Variants in ZNF507 observed in about 807,000 individuals in gnomAD.
ZNF507 encodes the protein zinc finger protein 507.
Under a neutral mutation model 80.0 loss-of-function variants are expected in ZNF507, and 29 were observed. The ratio of observed to expected loss-of-function variants is 0.36; its 90% CI spans 0.27 to 0.49. The LOEUF (loss-of-function observed/expected upper bound fraction) is 0.49. Ranked by LOEUF, ZNF507 falls within the 20% of genes least tolerant of loss-of-function variation. The pLI is 0.98. For missense variants in ZNF507, 1,081 were observed against 1,152.2 expected (o/e 0.94, Z 0.90); for synonymous variants, 462 against 422.5 (o/e 1.09, Z -1.15).
intron 5 of ZNF507, among the ~76,000 whole-genome samples, chr19:32,374,900 G>T (rs1967526303): frequency 6.6e-6 from 1 of 152,060 alleles, no homozygotes; most frequent in Non-Finnish European, 1.5e-5. Context: ...AAATGCTTCT[G>T]GTGTTTCCTA....
intron 4 of ZNF507, chr19:32,357,702 C>T (rs972988318): frequency 2.6e-5 from 4 of 152,162 alleles, no homozygotes. Flanking sequence ...GATGGCTGAG[C>T]TAAAACAGTT....
At chr19:32,361,682 C>T (rs1172164016) in intron 5 of ZNF507, among the ~76,000 whole-genome samples, 8 of 21,006 alleles carry the variant, frequency 3.8e-4, no homozygotes, top group Non-Finnish European at 4.9e-4. Flanking sequence ...TCCTTCCTTT[C>T]CTTCCTTCCT....
At chr19:32,349,696 A>AT (rs1364831100) in intron 2 of ZNF507, among the ~76,000 whole-genome samples, 2 of 152,210 alleles carry the variant, frequency 1.3e-5, no homozygotes, top group African/African-American at 4.8e-5. Context: ...AATTTCTGTG[A>AT]TTTTAAGGAA....
At chr19:32,368,305 C>T (rs572625172) in intron 5 of ZNF507, among the ~76,000 whole-genome samples, 1 of 152,276 alleles carries the variant, frequency 6.6e-6, no homozygotes, top group African/African-American at 2.4e-5. Flanking sequence ...CTGGAAGTGA[C>T]CCAGACAGCT....
In ZNF507 at chr19:32,354,138, A is replaced by T; in HGVS notation, c.1308A>T (p.Glu436Asp). Residue 436 changes from glutamate (E) to aspartate (D), a missense_variant, in exon 3 of 7, where the codon GAA (glutamate) becomes GAT (aspartate). Physicochemically the swap from Glu to Asp is conservative, Grantham distance 45. Transcript: ENST00000355898. ...LSLTEAQIGR[E>D]GMDDVYRADK... ...TGACAGAAGCTCAGATTGGGCGCGA[A>T]GGAATGGATGATGTTTATCGTGCTG... is the stretch of plus-strand genomic sequence containing the variant. 4 of 1,613,386 alleles carry T rather than the reference A, an allele frequency of 2.5e-6. No homozygotes were observed. In the East Asian group the frequency reaches 8.9e-5, roughly 36 times the overall value.
intron 5 of ZNF507, among the ~76,000 whole-genome samples, chr19:32,374,108 T>C (rs1337978127): frequency 1.3e-5 from 2 of 151,888 alleles, no homozygotes; most frequent in African/African-American, 4.8e-5. Context: ...GGGGGACTGA[T>C]AATGTTTAAC....
At chr19:32,369,267 T>G (rs1967438428) in intron 5 of ZNF507, among the ~76,000 whole-genome samples, 1 of 152,244 alleles carries the variant, frequency 6.6e-6, no homozygotes, top group Non-Finnish European at 1.5e-5. Flanking sequence ...TGGCCATATT[T>G]ACAGGCCACT....
At chr19:32,375,823 T>C (rs1399565540) in intron 5 of ZNF507, among the ~76,000 whole-genome samples, 1 of 152,228 alleles carries the variant, frequency 6.6e-6, no homozygotes, top group Non-Finnish European at 1.5e-5. Context: ...AATGAAAATA[T>C]GCCTTTTTGC....
At chr19:32,369,665 A>G (rs1195853094) in intron 5 of ZNF507, among the ~76,000 whole-genome samples, 2 of 152,000 alleles carry the variant, frequency 1.3e-5, no homozygotes, top group Non-Finnish European at 2.9e-5. Context: ...GTTATTGTAT[A>G]TATTGGAGGT....
At chr19:32,362,726 C>T (rs1300824431) in intron 5 of ZNF507, among the ~76,000 whole-genome samples, 1 of 152,168 alleles carries the variant, frequency 6.6e-6, no homozygotes, top group African/African-American at 2.4e-5. Context: ...GTCCTAGGGT[C>T]TTCCTACCAA....
chr19:32,370,509 T>C (rs1041486668), intron 5 of ZNF507, among the ~76,000 whole-genome samples: 3 of 152,270 alleles, frequency 2.0e-5, no homozygotes, highest in Admixed American at 6.5e-5. Context: ...CGTTTTCATA[T>C]CACTGTTGCA....
chr19:32,365,180 G>C (rs1484987267), intron 5 of ZNF507, among the ~76,000 whole-genome samples: 1 of 152,104 alleles, frequency 6.6e-6, no homozygotes, highest in Admixed American at 6.5e-5. Flanking sequence ...CCCACTTTTT[G>C]ATGGGATTGA....
At chr19:32,360,414 G>C in intron 4 of ZNF507, 90 bp from the exon 5 acceptor site, 1 of 573,316 alleles carries the variant, frequency 1.7e-6, no homozygotes, top group Middle Eastern at 2.7e-4. Flanking sequence ...ACAACTGTGT[G>C]GTATAAATTT....
At chr19:32,361,534 G>A (rs1402823364) in intron 5 of ZNF507, among the ~76,000 whole-genome samples, 1 of 152,176 alleles carries the variant, frequency 6.6e-6, no homozygotes, top group Non-Finnish European at 1.5e-5. Context: ...CAAACCAGCA[G>A]ACTTACTTAT....
intron 5 of ZNF507, among the ~76,000 whole-genome samples, chr19:32,365,411 C>T (rs1403191844): frequency 6.6e-6 from 1 of 152,226 alleles, no homozygotes; most frequent in East Asian, 1.9e-4. Flanking sequence ...TCCTTGCCTA[C>T]GCCAGTGTCT....
chr19:32,370,034 C>G (rs1348443854), intron 5 of ZNF507, among the ~76,000 whole-genome samples: 2 of 152,190 alleles, frequency 1.3e-5, no homozygotes, highest in Non-Finnish European at 2.9e-5. Context: ...CCAGGGCCAT[C>G]CATGTTGTGG....
At chr19:32,361,736 T>C (rs1967329006) in intron 5 of ZNF507, among the ~76,000 whole-genome samples, 2 of 144,488 alleles carry the variant, frequency 1.4e-5, no homozygotes, top group African/African-American at 5.2e-5. Flanking sequence ...CTTTCCTTCC[T>C]TTCCTTTCCT....
intron 5 of ZNF507, among the ~76,000 whole-genome samples, chr19:32,370,335 C>T (rs1295139601): frequency 4.6e-5 from 7 of 152,090 alleles, no homozygotes; most frequent in Admixed American, 3.9e-4. Flanking sequence ...TTTTCATGGC[C>T]GTACCAATCT....
chr19:32,353,967 A>C lies in ZNF507; in HGVS notation c.1137A>C (p.Thr379=), dbSNP rs773849111. The part of the protein sequence containing the change: ...EENLIPDSLL[T]SAQKIISSSP... ...ATCTGATTCCTGATAGCCTGCTTAC[A>C]TCAGCACAGAAAATCATCAGCAGCA... Residue 379 remains threonine, a synonymous_variant, in exon 3 of 7, where the codon ACA becomes ACC. Coordinates refer to ENST00000355898, the MANE Select transcript of ZNF507 (RefSeq NM_001136156.2). 7.4e-6 allele frequency: 12 copies of C among 1,614,204 alleles called. No homozygotes were observed. Among genetic ancestry groups the C allele is most frequent in the South Asian group, 1.1e-5 (1 of 91,082 alleles).
Sources: gnomAD v4.1 joint callset for allele counts (sites outside exome capture counted in the v4.1 genomes callset) on GRCh38, gnomAD v4.1.1 for gene constraint, MANE v1.5 for transcripts, NCBI Gene and HGNC (gene_info 2026-07-23, HGNC 2026-07-21) for gene names.